The following ANKRD24 variants were observed in gnomAD, a reference collection of about 807,000 sequenced individuals.
ANKRD24 encodes the protein ankyrin repeat domain 24.
A neutral mutation model predicts 127.8 loss-of-function variants in ANKRD24; 109 were observed. The observed-to-expected ratio is 0.85, with a 90% CI of 0.73 to 1.00. The LOEUF is 1.00. Ranked by LOEUF, ANKRD24 falls within the 50% of genes least tolerant of loss-of-function variation. The probability of loss-of-function intolerance (pLI) is 0.00; values close to 1 mark genes in which losing one functional copy is unlikely to be tolerated. For synonymous variants in ANKRD24, 743 were observed against 671.1 expected (o/e 1.11, Z -1.66); for missense variants, 1,648 against 1,570.2 (o/e 1.05, Z -0.84).
intron 2 of ANKRD24, 96 bp downstream of exon 2, chr19:4,186,557 C>T (rs1968075825): frequency 7.3e-7 from 1 of 1,363,974 alleles, no homozygotes; most frequent in South Asian, 1.3e-5. Context: ...ATTCCAGTAC[C>T]CACCTCTTCT....
chr19:4,209,020 T>TG, intron 11 of ANKRD24: 1 of 296,576 alleles, frequency 3.4e-6, no homozygotes. Context: ...ATTATGGGGC[T>TG]GGGGTGGGAG....
chr19:4,224,527 A>T lies in ANKRD24; in HGVS notation c.*22A>T. On this transcript the variant is annotated 3_prime_UTR_variant, in exon 22 of 22. Coordinates refer to ENST00000318934, the MANE Select transcript of ANKRD24 (RefSeq NM_001393985.1). ...CTGAGAAAGGCCAGGCCCAGTGGCT[A>T]CACTGACCACACCCACGCAGGGACC... 2 of 1,595,298 alleles carry T rather than the reference A, an allele frequency of 1.3e-6. No homozygotes were observed. Among genetic ancestry groups the T allele is most frequent in the Non-Finnish European group, 8.5e-7 (1 of 1,170,678 alleles).
rs1023788068 is a variant in ANKRD24, at chr19:4,182,717, G to A, written c.-60G>A. On this transcript the variant is annotated 5_prime_UTR_variant, in exon 1 of 22. Transcript: ENST00000318934. ...GGCGACATGTTATCTGCTGTCAGAA[G>A]GAAGCCTGCCTCTTTGCATGCAGGT... 1.4e-6 allele frequency: 2 copies of A among 1,407,878 alleles called. No homozygotes were observed. Among genetic ancestry groups the A allele is most frequent in the Non-Finnish European group, 9.3e-7 (1 of 1,079,306 alleles). The allele number at this position is 1,407,878 out of a possible 1,614,324, so 87.2% of individuals were successfully genotyped here. A position where few individuals can be genotyped will look rare whatever the true frequency, so the allele number is the denominator to read the frequency against.
Position 4,216,009 on chromosome 19 carries a change from C to T in ANKRD24, c.1229C>T (p.Thr410Ile). ...CGGGAGAATACTAGCTATGACGTAACCACCCTGCAGGATGAGGAGGGTGAG... is the reference window on the plus strand; with the variant it reads ...CGGGAGAATACTAGCTATGACGTAATCACCCTGCAGGATGAGGAGGGTGAG... ...NERENTSYDV[T>I]TLQDEEGELP... is the part of the protein sequence containing the mutation. Residue 410 changes from threonine to isoleucine, a missense_variant, in exon 16 of 22, where the codon ACC becomes ATC. By Grantham distance (89) the Thr-to-Ile change is moderately conservative (BLOSUM62 -1). Transcript: ENST00000318934. 1 of 1,601,462 alleles carries T rather than the reference C, an allele frequency of 6.2e-7. No homozygotes were observed. The highest frequency in any genetic ancestry group is 8.5e-7 in the Non-Finnish European group (1 of 1,174,666).
chr19:4,219,617 G>A lies in ANKRD24; in HGVS notation c.3030G>A (p.Lys1010=). The change falls in exon 19 of 22, where the codon AAG becomes AAA. Residue 1010 remains lysine (K), a synonymous_variant. Coordinates refer to ENST00000318934, the MANE Select transcript of ANKRD24 (RefSeq NM_001393985.1). ...TGCAGCGTGAGGCCCTGTTCATGAA[G>A]AGTGAGCGACACGCAGCCGAGGCAC... is the stretch of plus-strand genomic sequence containing the variant. ...FQVQREALFM[K]SERHAAEAQL... is the part of the protein sequence containing the mutation. The A allele has an allele frequency of 1.9e-6, 3 of 1,613,312 alleles. No individual in the cohort carries two copies. Among genetic ancestry groups the A allele is most frequent in the Non-Finnish European group, 2.5e-6 (3 of 1,179,422 alleles).
Position 4,207,584 on chromosome 19 carries a change from G to A in ANKRD24, c.621G>A (p.Ala207=), listed in dbSNP as rs369770793. ...TCCTACTGCAGCAAGGGGCTGCCGC[G>A]AACGATCAGGACCTGCAAGGCAGGT... ...CRLLLQQGAA[A]NDQDLQGRTA... The change falls in exon 9 of 22, where the codon GCG becomes GCA. Residue 207 remains alanine, a synonymous_variant. Coordinates refer to ENST00000318934, the MANE Select transcript of ANKRD24 (RefSeq NM_001393985.1). 2.0e-5 allele frequency: 33 copies of A among 1,613,778 alleles called. No individual in the cohort carries two copies. The highest frequency in any genetic ancestry group is 3.3e-4 in the Middle Eastern group (2 of 6,084).
intron 11 of ANKRD24, among the ~76,000 whole-genome samples, chr19:4,209,780 C>T (rs1969602076): frequency 6.6e-6 from 1 of 152,172 alleles, no homozygotes; most frequent in South Asian, 2.1e-4. Context: ...ATCTCTGTTC[C>T]ACAGAGGAGT....
intron 7 of ANKRD24, among the ~76,000 whole-genome samples, chr19:4,203,364 T>G (rs1410012938): frequency 6.6e-6 from 1 of 151,704 alleles, no homozygotes; most frequent in Admixed American, 6.6e-5. Context: ...TTTCTTTTTA[T>G]GAGATAGGGT....
Position 4,217,864 on chromosome 19 carries a change from C to T in ANKRD24, c.2704C>T (p.Leu902=). 6.9e-7 allele frequency: 1 copy of T among 1,457,078 alleles called. No individual in the cohort carries two copies. The highest frequency in any genetic ancestry group is 9.0e-7 in the Non-Finnish European group (1 of 1,111,316). The allele number at this position is 1,457,078 out of a possible 1,614,324, so 90.3% of individuals were successfully genotyped here. Reference sequence around the variant, plus strand: ...GGAGGCGCGGCAGGGCCTGGCCGAGCTGCGGGAGGCCTCCGAGGCCCTCCG... The same window carrying T: ...GGAGGCGCGGCAGGGCCTGGCCGAGTTGCGGGAGGCCTCCGAGGCCCTCCG... ...CEEARQGLAE[L]REASEALRQS... is the part of the protein sequence containing the mutation. The change falls in exon 18 of 22, where the codon CTG becomes TTG. Residue 902 remains leucine (L), a synonymous_variant. Transcript: ENST00000318934.
In ANKRD24 at chr19:4,199,627, A is replaced by G; in HGVS notation, c.37-56A>G. 2 of 1,480,036 alleles carry G rather than the reference A, an allele frequency of 1.4e-6. No individual in the cohort carries two copies. The highest frequency in any genetic ancestry group is 1.8e-6 in the Non-Finnish European group (2 of 1,120,884). The allele number at this position is 1,480,036 out of a possible 1,614,324, so 91.7% of individuals were successfully genotyped here. ...CCTGGGGGCAGATGCTGGGGGTCGC[A>G]GGCTTGGGGGACACTGTCTGAGGAC... On this transcript the variant is annotated intron_variant, in intron 2 of 21. Coordinates refer to ENST00000318934, the MANE Select transcript of ANKRD24 (RefSeq NM_001393985.1). The surrounding 1 kb of genome is among the most constrained non-coding windows in gnomAD (Gnocchi z 5.2).
intron 11 of ANKRD24, 127 bp downstream of exon 11, chr19:4,208,928 C>T (rs1235659689): frequency 2.0e-6 from 2 of 1,023,064 alleles, no homozygotes; most frequent in African/African-American, 3.2e-5. Context: ...AGAATGCTAC[C>T]TTCAGGGTAT....
intron 15 of ANKRD24, among the ~76,000 whole-genome samples, chr19:4,214,206 G>T (rs1031882552): frequency 2.7e-5 from 4 of 150,692 alleles, no homozygotes; most frequent in Admixed American, 6.6e-5. Context: ...TTGTTCTGTT[G>T]TCCAGGCTGG....
chr19:4,222,775 GATTTACAGCAGC>G lies in ANKRD24; in HGVS notation c.3279_3290del (p.Asp1093_Gln1097delinsGlu). On this transcript the variant is annotated inframe_deletion, in exon 20 of 22. Coordinates refer to ENST00000318934, the MANE Select transcript of ANKRD24 (RefSeq NM_001393985.1). ...GGAGGCTCTCCGTGACCAGGTGAAG[GATTTACAGCAGC>G]AGCTGCAGGTAAGGACTGGGCCACG... 1 of 1,609,226 alleles carries G rather than the reference GATTTACAGCAGC, an allele frequency of 6.2e-7. No homozygotes were observed. The highest frequency in any genetic ancestry group is 8.5e-7 in the Non-Finnish European group (1 of 1,176,512).
Position 4,216,956 on chromosome 19 carries a change from C to T in ANKRD24, c.1796C>T (p.Thr599Ile). 3.1e-6 allele frequency: 5 copies of T among 1,612,110 alleles called. No homozygotes were observed. The highest frequency in any genetic ancestry group is 4.2e-6 in the Non-Finnish European group (5 of 1,179,180). Reference protein sequence around the residue: ...AEATGAKVTETKPTGAEVREM... With the variant: ...AEATGAKVTEIKPTGAEVREM... ...GCCACAGGAGCCAAGGTCACAGAAA[C>T]AAAACCCACAGGGGCTGAGGTCAGA... The change falls in exon 18 of 22, where the codon ACA becomes ATA. Residue 599 changes from threonine (T) to isoleucine (I), a missense_variant. By Grantham distance (89) the Thr-to-Ile change is moderately conservative. Coordinates refer to ENST00000318934, the MANE Select transcript of ANKRD24 (RefSeq NM_001393985.1).
intron 19 of ANKRD24, among the ~76,000 whole-genome samples, chr19:4,222,317 A>G (rs1462860700): frequency 4.6e-5 from 7 of 152,212 alleles, no homozygotes; most frequent in African/African-American, 1.7e-4. Flanking sequence ...TGAACCTGGG[A>G]GGCGGAAGTT....
chr19:4,207,384 G>A, intron 8 of ANKRD24, 72 bp downstream of exon 8: 1 of 1,583,174 alleles, frequency 6.3e-7, no homozygotes, highest in South Asian at 1.1e-5. Context: ...CAGTATCTCA[G>A]GCACCCTTTG....
intron 2 of ANKRD24, among the ~76,000 whole-genome samples, chr19:4,189,586 A>G (rs746445587): frequency 4.6e-5 from 7 of 151,054 alleles, no homozygotes; most frequent in East Asian, 1.9e-4. Flanking sequence ...GGGTCTCACT[A>G]TGTTGTCCAG....
Position 4,196,492 on chromosome 19 carries a change from C to T in ANKRD24, c.37-3191C>T, listed in dbSNP as rs535848421. On this transcript the variant is annotated intron_variant, in intron 2 of 21. Transcript: ENST00000318934. ...CAGGGTTCAAGCGATTCTCCTGCCT[C>T]ACTTCCTGAGTAGCTGAGATTACAG... is the stretch of plus-strand genomic sequence containing the variant. 2.0e-5 allele frequency among the ~76,000 whole-genome samples: 3 copies of T among 152,264 alleles called. No individual in the cohort carries two copies. The South Asian group carries it at 6.2e-4, about 32-fold the overall frequency.
Position 4,217,634 on chromosome 19 carries a change from C to T in ANKRD24, c.2474C>T (p.Ala825Val). The T allele has an allele frequency of 1.6e-6, 2 of 1,284,702 alleles. No individual in the cohort carries two copies. Among genetic ancestry groups the T allele is most frequent in the Non-Finnish European group, 2.0e-6 (2 of 1,019,480 alleles). The allele number at this position is 1,284,702 out of a possible 1,614,324, so 79.6% of individuals were successfully genotyped here. Residue 825 changes from alanine (A) to valine (V), a missense_variant, in exon 18 of 22, where the codon GCG (alanine) becomes GTG (valine). Coordinates refer to ENST00000318934, the MANE Select transcript of ANKRD24 (RefSeq NM_001393985.1). The stretch of plus-strand genomic sequence containing the variant: ...GAGGCTCGGGCCAGCCGGCTGCTGG[C>T]GGAGGAGGAGGCGCGGGGCCTGCGG... ...LDEARASRLL[A>V]EEEARGLRAE... is the part of the protein sequence containing the mutation.
Sources: allele counts gnomAD v4.1 joint callset (sites outside exome capture counted in the v4.1 genomes callset), GRCh38; gene constraint gnomAD v4.1.1; non-coding constraint Gnocchi (gnomAD v3.1); transcripts MANE v1.5; gene names NCBI Gene and HGNC (gene_info 2026-07-23, HGNC 2026-07-21).